CLDN10: variants seen among roughly 807,000 people sequenced by gnomAD.
CLDN10 encodes claudin-10.
CLDN10 carries 15 observed loss-of-function variants against 22.9 expected under a neutral mutation model. The observed-to-expected ratio is 0.65, with a 90% CI of 0.44 to 1.01. The LOEUF (loss-of-function observed/expected upper bound fraction) is 1.01, where lower values mean the gene tolerates loss of function less well. CLDN10 is among the 50% of genes least tolerant of loss of function. CLDN10 has a pLI of 0.00. For synonymous variants in CLDN10, 114 were observed against 111.4 expected (o/e 1.02, Z -0.15); for missense variants, 247 against 287.8 (o/e 0.86, Z 1.03).
Position 95,560,204 on chromosome 13 carries a change from T to C in CLDN10, c.293T>C (p.Leu98Pro). The change falls in exon 2 of 5, where the codon CTC becomes CCC. Residue 98 changes from leucine to proline, a missense_variant. By Grantham distance (98) the Leu-to-Pro change is moderately conservative. Transcript: ENST00000299339. The stretch of plus-strand genomic sequence containing the variant: ...GGCTTCTTTGGTTCCATATTTGCGC[T>C]CTTTGGAATGAAGTGTACCAAAGTC... ...SLGFFGSIFA[L>P]FGMKCTKVGG... is the part of the protein sequence containing the mutation. 1 of 1,614,178 alleles carries C rather than the reference T, an allele frequency of 6.2e-7. No individual in the cohort carries two copies. The highest frequency in any genetic ancestry group is 8.5e-7 in the Non-Finnish European group (1 of 1,179,992).
chr13:95,557,255 T>C (rs531215289), intron 1 of CLDN10, among the ~76,000 whole-genome samples: 1 of 152,348 alleles, frequency 6.6e-6, no homozygotes, highest in African/African-American at 2.4e-5. Context: ...TCAAAAATAA[T>C]GGCCTCCTTG....
intron 1 of CLDN10, among the ~76,000 whole-genome samples, chr13:95,525,826 G>T (rs554082010): frequency 6.6e-5 from 10 of 152,092 alleles, no homozygotes; most frequent in African/African-American, 2.2e-4. Context: ...GAGATTCTAG[G>T]GCTGTTATTG....
At chr13:95,475,860 C>T (rs1455436167) in intron 1 of CLDN10, among the ~76,000 whole-genome samples, 1 of 152,102 alleles carries the variant, frequency 6.6e-6, no homozygotes, top group African/African-American at 2.4e-5. Flanking sequence ...CTCCCTCACC[C>T]TCTCTCCCTG....
intron 1 of CLDN10, among the ~76,000 whole-genome samples, chr13:95,440,997 C>T (rs1656375440): frequency 6.6e-6 from 1 of 152,212 alleles, no homozygotes; most frequent in Non-Finnish European, 1.5e-5. Flanking sequence ...CTGTCTTCAT[C>T]CATAGTTCCT....
chr13:95,441,765 G>A (rs772501654), intron 1 of CLDN10, among the ~76,000 whole-genome samples: 58 of 152,176 alleles, frequency 3.8e-4, no homozygotes, highest in Non-Finnish European at 7.5e-4. Context: ...TTTGCCTGGA[G>A]TTTGGCCTTA....
At chr13:95,433,859 T>G (rs1301464172) in exon 1 of CLDN10, 6 of 1,614,068 alleles carry the variant, frequency 3.7e-6, no homozygotes, top group Non-Finnish European at 5.1e-6. Flanking sequence ...ATCTGGGCTC[T>G]GGTGTCTGGT....
At chr13:95,548,190 T>G (rs1053657901), upstream of CLDN10, among the ~76,000 whole-genome samples, 3 of 152,182 alleles carry the variant, frequency 2.0e-5, no homozygotes, top group African/African-American at 7.2e-5. Flanking sequence ...GTACCCAACC[T>G]GTCTACAAGC....
intron 1 of CLDN10, among the ~76,000 whole-genome samples, chr13:95,453,540 G>T (rs1335269800): frequency 6.6e-6 from 1 of 152,004 alleles, no homozygotes; most frequent in Non-Finnish European, 1.5e-5. Flanking sequence ...AAAACTTAGC[G>T]GGTTATGGTG....
chr13:95,517,006 CCTTCCTTCCTTCCTT>C (rs1285467998), intron 1 of CLDN10, among the ~76,000 whole-genome samples: 93 of 147,432 alleles, frequency 6.3e-4, no homozygotes, highest in African/African-American at 2.2e-3. Context: ...TTCCTTCCTT[CCTTCCTTCCTTCCTT>C]CCTCCCTCCC....
intron 1 of CLDN10, among the ~76,000 whole-genome samples, chr13:95,497,587 T>C (rs2042942279): frequency 6.6e-6 from 1 of 152,234 alleles, no homozygotes; most frequent in Non-Finnish European, 1.5e-5. Flanking sequence ...CATCTTTGAA[T>C]GTGCATTGCA....
chr13:95,495,737 C>T (rs1455041821), intron 1 of CLDN10, among the ~76,000 whole-genome samples: 4 of 121,406 alleles, frequency 3.3e-5, no homozygotes, highest in African/African-American at 8.7e-5. Context: ...GAGCCAGACT[C>T]CACCTCAAAA....
At chr13:95,506,209 C>T (rs1017627956) in intron 1 of CLDN10, among the ~76,000 whole-genome samples, 3 of 152,044 alleles carry the variant, frequency 2.0e-5, no homozygotes, top group African/African-American at 4.8e-5. Context: ...GAGATGTTCT[C>T]ATCAGCCCTG....
chr13:95,460,875 G>A (rs748410966), intron 1 of CLDN10, among the ~76,000 whole-genome samples: 7 of 152,262 alleles, frequency 4.6e-5, no homozygotes, highest in East Asian at 1.9e-4. Context: ...TTGGGAGGCT[G>A]AGGCCGGCGG....
intron 1 of CLDN10, among the ~76,000 whole-genome samples, chr13:95,435,017 TTATC>T (rs2042254124): frequency 6.6e-6 from 1 of 152,218 alleles, no homozygotes. Context: ...CTGATTTTAT[TTATC>T]TAAGAATACA....
At chr13:95,484,801 G>A (rs1376482367) in intron 1 of CLDN10, among the ~76,000 whole-genome samples, 1 of 150,378 alleles carries the variant, frequency 6.6e-6, no homozygotes, top group African/African-American at 2.4e-5. Context: ...AGGAGGTGGA[G>A]GTTGGAATGA....
At chr13:95,521,378 T>C (rs935247643) in intron 1 of CLDN10, among the ~76,000 whole-genome samples, 1 of 152,216 alleles carries the variant, frequency 6.6e-6, no homozygotes, top group Non-Finnish European at 1.5e-5. Context: ...GATAAGATTT[T>C]TATAAATCAT....
intron 1 of CLDN10, among the ~76,000 whole-genome samples, chr13:95,529,882 G>A (rs2043322703): frequency 6.6e-6 from 1 of 152,068 alleles, no homozygotes; most frequent in African/African-American, 2.4e-5. Flanking sequence ...AGTTGGTACT[G>A]CTTTTTAATA....
chr13:95,440,381 A>C (rs951661565), intron 1 of CLDN10, among the ~76,000 whole-genome samples: 2 of 152,248 alleles, frequency 1.3e-5, no homozygotes, highest in African/African-American at 4.8e-5. Flanking sequence ...AAAATTATTT[A>C]AAAGTATACA....
intron 3 of CLDN10, among the ~76,000 whole-genome samples, chr13:95,561,653 T>C (rs989260426): frequency 5.3e-5 from 8 of 152,232 alleles, no homozygotes; most frequent in African/African-American, 1.9e-4. Context: ...AACCAGGCAG[T>C]TGAACTTCAG....
Sources: gnomAD v4.1 joint callset for allele counts (sites outside exome capture counted in the v4.1 genomes callset) on GRCh38, gnomAD v4.1.1 for gene constraint, MANE v1.5 for transcripts, NCBI Gene and HGNC (gene_info 2026-07-23, HGNC 2026-07-21) for gene names.